LRCH4: variants seen among roughly 807,000 people sequenced by gnomAD.
LRCH4 encodes the protein leucine rich repeats and calponin homology domain containing 4.
In LRCH4, 56 loss-of-function variants were observed where a neutral mutation model predicts 81.2. The observed-to-expected ratio is 0.69, with a 90% CI of 0.56 to 0.86. The LOEUF (loss-of-function observed/expected upper bound fraction) is 0.86, where lower values mean the gene tolerates loss of function less well. LRCH4 is among the 40% of genes least tolerant of loss of function. LRCH4 has a pLI of 0.00. For synonymous variants in LRCH4, 442 were observed against 409.7 expected (o/e 1.08, Z -0.95); for missense variants, 895 against 922.8 (o/e 0.97, Z 0.39).
In LRCH4 at chr7:100,574,871, T is replaced by G; in HGVS notation, c.*236A>C. 1 of 449,232 alleles carries G rather than the reference T, an allele frequency of 2.2e-6. No individual in the cohort carries two copies. Among genetic ancestry groups the G allele is most frequent in the Non-Finnish European group, 4.0e-6 (1 of 250,870 alleles). The allele number at this position is 449,232 out of a possible 1,614,324, so 27.8% of individuals were successfully genotyped here. ...GGCAGGGGCAGGGCCGGCGGGGACATGAAGGCACCGTCAGCACTGAGAGGT... is the reference window on the plus strand; with the variant it reads ...GGCAGGGGCAGGGCCGGCGGGGACAGGAAGGCACCGTCAGCACTGAGAGGT... On this transcript the variant is annotated 3_prime_UTR_variant, in exon 18 of 18. Coordinates refer to ENST00000310300, the MANE Select transcript of LRCH4 (RefSeq NM_002319.5).
chr7:100,585,854 T>A, intron 1 of LRCH4, 27 bp downstream of exon 1: 1 of 1,536,676 alleles, frequency 6.5e-7, no homozygotes, highest in Non-Finnish European at 8.8e-7. Context: ...AGGGACCCGG[T>A]TGGGCCCGGG....
Position 100,578,369 on chromosome 7 carries a change from G to A in LRCH4, c.848+30C>T. 1 of 1,608,518 alleles carries A rather than the reference G, an allele frequency of 6.2e-7. No homozygotes were observed. Among genetic ancestry groups the A allele is most frequent in the Non-Finnish European group, 8.5e-7 (1 of 1,175,302 alleles). ...CCGGGAAGGGGCATTCAGTATCCCA[G>A]GGCTTCCTTCCTCCCCACCTAGGAC... On this transcript the variant is annotated intron_variant, in intron 6 of 17. Coordinates refer to ENST00000310300, the MANE Select transcript of LRCH4 (RefSeq NM_002319.5). This position sits in a 1 kb window ranked among gnomAD's most constrained non-coding sequence, Gnocchi z 5.7.
Position 100,574,226 on chromosome 7 carries a change from TG to T in LRCH4, c.*880del. 1 of 179,234 alleles carries T rather than the reference TG, an allele frequency of 5.6e-6. No homozygotes were observed. Among genetic ancestry groups the T allele is most frequent in the South Asian group, 7.3e-5 (1 of 13,620 alleles). The allele number at this position is 179,234 out of a possible 1,614,324, so 11.1% of individuals were successfully genotyped here. A position where few individuals can be genotyped will look rare whatever the true frequency, so the allele number is the denominator to read the frequency against. ...TCTGCTCCCGGGGTCCCGGGCGGGGTGGGCCCTGTGCCCCCACCTTCACCCC... is the reference window on the plus strand; with the variant it reads ...TCTGCTCCCGGGGTCCCGGGCGGGGTGGCCCTGTGCCCCCACCTTCACCCC... On this transcript the variant is annotated 3_prime_UTR_variant, in exon 18 of 18. Coordinates refer to ENST00000310300, the MANE Select transcript of LRCH4 (RefSeq NM_002319.5).
intron 4 of LRCH4, chr7:100,580,210 C>T (rs988668682): frequency 2.0e-5 from 3 of 152,228 alleles, no homozygotes; most frequent in East Asian, 1.9e-4. Flanking sequence ...CCTGCGCCTC[C>T]GGTGAAGTCT....
In LRCH4 at chr7:100,582,949, T is replaced by G. The variant is rs1265134177; in HGVS notation, c.221-490A>C. ...CCTTCTTCCCTACTCCAGTGTGTTT[T>G]CAACACGGGAAAAACCACAGGTCAC... On this transcript the variant is annotated intron_variant, in intron 1 of 17. Transcript: ENST00000310300. This position sits in a 1 kb window ranked among gnomAD's most constrained non-coding sequence, Gnocchi z 5.0. 6.6e-6 allele frequency among the ~76,000 whole-genome samples: 1 copy of G among 152,150 alleles called. No homozygotes were observed. The highest frequency in any genetic ancestry group is 1.5e-5 in the Non-Finnish European group (1 of 68,024).
Position 100,577,865 on chromosome 7 carries a change from G to A in LRCH4, c.996C>T (p.Ala332=). The change falls in exon 8 of 18, where the codon GCC becomes GCT. Residue 332 remains alanine (A), a synonymous_variant. Coordinates refer to ENST00000310300, the MANE Select transcript of LRCH4 (RefSeq NM_002319.5). This position sits in a 1 kb window ranked among gnomAD's most constrained non-coding sequence, Gnocchi z 6.7. ...GTTCTCTGGGTCCCCGGGGCTCCCG[G>A]GCCAGCTCTGAGATCCGGAATGACA... ...SELSFRISEL[A]REPRGPRERK... 1.2e-6 allele frequency: 2 copies of A among 1,613,954 alleles called. No individual in the cohort carries two copies. The highest frequency in any genetic ancestry group is 4.5e-5 in the East Asian group (2 of 44,872).
rs886737232 is a variant in LRCH4, at chr7:100,578,840, G to C, written c.599-54C>G. 1.9e-6 allele frequency: 3 copies of C among 1,581,450 alleles called. No individual in the cohort carries two copies. Among genetic ancestry groups the C allele is most frequent in the East Asian group, 2.2e-5 (1 of 44,652 alleles). The stretch of plus-strand genomic sequence containing the variant: ...GGAACATGCTCAGGGCTGTGGCCTC[G>C]TGCTCACTCCCTCACCCTTGGCTCC... On this transcript the variant is annotated intron_variant, in intron 4 of 17. Transcript: ENST00000310300. The surrounding 1 kb of genome is among the most constrained non-coding windows in gnomAD (Gnocchi z 5.7).
At chr7:100,584,803 T>C in intron 1 of LRCH4, 1 of 456,506 alleles carries the variant, frequency 2.2e-6, no homozygotes, top group Non-Finnish European at 4.4e-6. Flanking sequence ...GGCACCTGCT[T>C]AGGGAGAAGT....
rs1434717680 is a variant in LRCH4, at chr7:100,583,973, C to G, written c.221-1514G>C. 2.8e-6 allele frequency: 1 copy of G among 358,958 alleles called. No individual in the cohort carries two copies. The allele number at this position is 358,958 out of a possible 1,614,324, so 22.2% of individuals were successfully genotyped here. ...AGGATGTGGTCTGGGAGAGAATGAG[C>G]TGCACTTCTCCTTTGCAAGATGGCC... On this transcript the variant is annotated intron_variant, in intron 1 of 17. Transcript: ENST00000310300. This position sits in a 1 kb window ranked among gnomAD's most constrained non-coding sequence, Gnocchi z 4.3.
In LRCH4 at chr7:100,575,654, T is replaced by G; in HGVS notation, c.1854+51A>C. 1 of 1,600,746 alleles carries G rather than the reference T, an allele frequency of 6.2e-7. No homozygotes were observed. The highest frequency in any genetic ancestry group is 8.6e-7 in the Non-Finnish European group (1 of 1,167,782). On this transcript the variant is annotated intron_variant, in intron 17 of 17. Transcript: ENST00000310300. This position sits in a 1 kb window ranked among gnomAD's most constrained non-coding sequence, Gnocchi z 5.3. ...ATGGAAGCCCACCATCCATGCCACATGCTCGGCTGAGTCCGGCATGCCACC... is the reference window on the plus strand; with the variant it reads ...ATGGAAGCCCACCATCCATGCCACAGGCTCGGCTGAGTCCGGCATGCCACC...
At chr7:100,585,362 G>A (rs527924860) in intron 1 of LRCH4, 1 of 157,414 alleles carries the variant, frequency 6.4e-6, no homozygotes, top group Non-Finnish European at 1.4e-5. Flanking sequence ...GGACAGTGGA[G>A]AGGGCCAGGA....
At chr7:100,576,378 A>G in intron 14 of LRCH4, 55 bp from the exon 15 acceptor site, 2 of 1,342,252 alleles carry the variant, frequency 1.5e-6, no homozygotes, top group South Asian at 2.4e-5. Flanking sequence ...CTGACTCTGT[A>G]GCTGGGTCCC....
chr7:100,575,162 T>G lies in LRCH4; in HGVS notation c.1997A>C (p.Tyr666Ser). 6.2e-7 allele frequency: 1 copy of G among 1,613,370 alleles called. No homozygotes were observed. ...ATAGAGCAGCAGCATGAGGACCACG[T>G]AGAAGACGACGAAGCCGCCCAGACC... ...PSGLGGFVVF[Y>S]VVLMLLLYVT... Residue 666 changes from tyrosine (Y) to serine (S), a missense_variant, in exon 18 of 18, where the codon TAC (tyrosine) becomes TCC (serine). Coordinates refer to ENST00000310300, the MANE Select transcript of LRCH4 (RefSeq NM_002319.5). The surrounding 1 kb of genome is among the most constrained non-coding windows in gnomAD (Gnocchi z 5.3).
In LRCH4 at chr7:100,585,970, G is replaced by T. The variant is rs139180317; in HGVS notation, c.131C>A (p.Thr44Asn). The T allele has an allele frequency of 6.2e-7, 1 of 1,612,390 alleles. No individual in the cohort carries two copies. Among genetic ancestry groups the T allele is most frequent in the South Asian group, 1.1e-5 (1 of 90,994 alleles). ...AERALEEAVA[T>N]GTLNLSNRRL... The stretch of plus-strand genomic sequence containing the variant: ...CCGGTTAGACAGGTTCAGGGTCCCG[G>T]TGGCCACGGCCTCCTCTAGGGCCCG... The change falls in exon 1 of 18, where the codon ACC becomes AAC. Residue 44 changes from threonine (T) to asparagine (N), a missense_variant. By Grantham distance (65) the Thr-to-Asn change is moderately conservative. This residue lies in a region of LRCH4 where 360 missense variants were observed against 397.0 expected (regional missense o/e 0.91). Transcript: ENST00000310300.
chr7:100,579,492 G>C (rs891515258), intron 4 of LRCH4: 2 of 152,046 alleles, frequency 1.3e-5, no homozygotes, highest in African/African-American at 4.8e-5. Context: ...AGCTACTTGG[G>C]AGGCTGAGGC....
chr7:100,584,549 G>A (rs921052435), intron 1 of LRCH4: 1 of 377,114 alleles, frequency 2.7e-6, no homozygotes, highest in African/African-American at 2.1e-5. Context: ...AAACAACCAA[G>A]GGGGAGGGGA....
At chr7:100,581,733 A>T (rs1801564622) in intron 4 of LRCH4, 44 bp downstream of exon 4, 1 of 1,562,474 alleles carries the variant, frequency 6.4e-7, no homozygotes, top group Non-Finnish European at 8.8e-7. Context: ...GCCAACTGGG[A>T]CGCACATACA....
Position 100,574,712 on chromosome 7 carries a change from C to T in LRCH4, c.*395G>A. On this transcript the variant is annotated 3_prime_UTR_variant, in exon 18 of 18. Coordinates refer to ENST00000310300, the MANE Select transcript of LRCH4 (RefSeq NM_002319.5). ...ATAGGGACCCGGCCTGGGCCCCGAACCCCTACAAATATAGATCCTCTCTAC... is the reference window on the plus strand; with the variant it reads ...ATAGGGACCCGGCCTGGGCCCCGAATCCCTACAAATATAGATCCTCTCTAC... The T allele has an allele frequency of 5.2e-6, 1 of 191,730 alleles. No homozygotes were observed. The highest frequency in any genetic ancestry group is 1.1e-5 in the Non-Finnish European group (1 of 91,276). The allele number at this position is 191,730 out of a possible 1,614,324, so 11.9% of individuals were successfully genotyped here.
chr7:100,583,942 G>C lies in LRCH4; in HGVS notation c.221-1483C>G, dbSNP rs1801637955. On this transcript the variant is annotated intron_variant, in intron 1 of 17. Transcript: ENST00000310300. The surrounding 1 kb of genome is among the most constrained non-coding windows in gnomAD (Gnocchi z 4.3). ...GCTCAGGCAGGAGGCAGGGCACTGG[G>C]GGCACAGGATGTGGTCTGGGAGAGA... 2.4e-5 allele frequency: 8 copies of C among 330,284 alleles called. No individual in the cohort carries two copies. Among genetic ancestry groups the C allele is most frequent in the South Asian group, 1.8e-4 (8 of 44,014 alleles). 20.5% of individuals were successfully genotyped at this position (330,284 alleles called of 1,614,324 possible). A position where few individuals can be genotyped will look rare whatever the true frequency, so the allele number is the denominator to read the frequency against.
Sources: allele counts gnomAD v4.1 joint callset (sites outside exome capture counted in the v4.1 genomes callset), GRCh38; gene constraint gnomAD v4.1.1; regional missense constraint gnomAD v4.1.1; non-coding constraint Gnocchi (gnomAD v3.1); transcripts MANE v1.5; gene names NCBI Gene and HGNC (gene_info 2026-07-23, HGNC 2026-07-21).